GNPDA2: variants seen among roughly 807,000 people sequenced by gnomAD.
GNPDA2 encodes glcN6P deaminase 2.
A neutral mutation model predicts 27.0 loss-of-function variants in GNPDA2; 24 were observed. That is an observed-to-expected ratio of 0.89 (90% CI 0.64 to 1.25). The LOEUF (loss-of-function observed/expected upper bound fraction) is 1.25, where lower values mean the gene tolerates loss of function less well. Among genes scored for constraint, GNPDA2 ranks in the 50% most tolerant of loss-of-function variants. The pLI, the probability that GNPDA2 is intolerant of heterozygous loss-of-function variation, is 0.00. For missense variants in GNPDA2, 286 were observed against 335.1 expected (o/e 0.85, Z 1.14); for synonymous variants, 94 against 108.4 (o/e 0.87, Z 0.83).
At chr4:44,703,554 C>A in intron 6 of GNPDA2, 1 of 991,672 alleles carries the variant, frequency 1.0e-6, no homozygotes, top group Non-Finnish European at 1.2e-6. Context: ...CTGTCTCACT[C>A]TTAATACATT....
intron 6 of GNPDA2, chr4:44,704,058 A>T (rs1716438592): frequency 1.0e-6 from 1 of 985,146 alleles, no homozygotes; most frequent in African/African-American, 1.7e-5. Flanking sequence ...GTTCCTTGTC[A>T]GAAAGGCTGC....
chr4:44,704,738 A>AG, intron 6 of GNPDA2: 1 of 984,568 alleles, frequency 1.0e-6, no homozygotes, highest in Non-Finnish European at 1.2e-6. Flanking sequence ...ACCAGAAGAA[A>AG]GGTTAAATGT....
intron 6 of GNPDA2, chr4:44,704,283 A>G: frequency 1.0e-6 from 1 of 984,108 alleles, no homozygotes. Flanking sequence ...GAGAGGGGAC[A>G]ACAAAGATAA....
At chr4:44,704,794 G>C in intron 6 of GNPDA2, 1 of 983,030 alleles carries the variant, frequency 1.0e-6, no homozygotes, top group South Asian at 4.7e-5. Context: ...TTATGGTTTT[G>C]ACTCAAAATG....
At chr4:44,703,717 G>A (rs758482470) in intron 6 of GNPDA2, 7 of 982,454 alleles carry the variant, frequency 7.1e-6, no homozygotes, top group Non-Finnish European at 8.5e-6. Context: ...TAGAAATTAC[G>A]ATTTTAAATC....
At chr4:44,723,824 A>G (rs981681045) in intron 1 of GNPDA2, among the ~76,000 whole-genome samples, 1 of 152,102 alleles carries the variant, frequency 6.6e-6, no homozygotes, top group African/African-American at 2.4e-5. Context: ...GGCCCAAGCA[A>G]GCGGCTCAAG....
chr4:44,718,271 T>C (rs774050134), intron 3 of GNPDA2, 38 bp downstream of exon 3: 1 of 781,092 alleles, frequency 1.3e-6, no homozygotes, highest in Non-Finnish European at 2.1e-6. Context: ...AAATATAACA[T>C]ACCCAAATAA....
At chr4:44,717,870 C>T (rs1717408695) in intron 3 of GNPDA2, among the ~76,000 whole-genome samples, 1 of 151,758 alleles carries the variant, frequency 6.6e-6, no homozygotes, top group South Asian at 2.1e-4. Flanking sequence ...GGCAAGTTAA[C>T]AATAAATTAT....
intron 1 of GNPDA2, 41 bp from the exon 2 acceptor site, chr4:44,722,283 G>A: frequency 2.8e-6 from 4 of 1,437,990 alleles, no homozygotes; most frequent in Admixed American, 2.2e-5. Context: ...ATAATAAACA[G>A]ATAATTTAAA....
chr4:44,705,147 A>G (rs576629146), intron 6 of GNPDA2: 1 of 984,916 alleles, frequency 1.0e-6, no homozygotes, highest in East Asian at 1.1e-4. Context: ...GTGATGACAG[A>G]AGAAAGGGTA....
At chr4:44,720,719 A>G (rs16857416) in intron 2 of GNPDA2, among the ~76,000 whole-genome samples, 2,047 of 152,268 alleles carry the variant, frequency 0.013, 21 homozygotes, top group Middle Eastern at 0.031. Flanking sequence ...TCGATGGTCA[A>G]TGAAGGAGAG....
intron 2 of GNPDA2, 152 bp downstream of exon 2, chr4:44,721,932 A>G: frequency 1.8e-6 from 1 of 566,114 alleles, no homozygotes; most frequent in Non-Finnish European, 3.0e-6. Context: ...GATTTTATAT[A>G]TATGCATTTT....
chr4:44,720,463 T>C (rs1376532567), intron 2 of GNPDA2, among the ~76,000 whole-genome samples: 2 of 152,130 alleles, frequency 1.3e-5, no homozygotes, highest in Non-Finnish European at 2.9e-5. Context: ...CAGTCAAATA[T>C]GCCTAGCCCA....
Position 44,702,690 on chromosome 4 carries a change from TTTGTTATCTGAAAG to T in GNPDA2, c.*377_*390del. On this transcript the variant is annotated 3_prime_UTR_variant, in exon 7 of 7. Transcript: ENST00000295448. ...CAAAAGTGAAGGTCTGCAATGATAGTTTGTTATCTGAAAGGTTTGGAGTGTCTTGTCATTAAAAA... is the reference window on the plus strand; with the variant it reads ...CAAAAGTGAAGGTCTGCAATGATAGTGTTTGGAGTGTCTTGTCATTAAAAA... The T allele has an allele frequency of 8.7e-6, 9 of 1,034,642 alleles. No homozygotes were observed. Among genetic ancestry groups the T allele is most frequent in the Non-Finnish European group, 1.0e-5 (9 of 862,836 alleles). The allele number at this position is 1,034,642 out of a possible 1,614,324, so 64.1% of individuals were successfully genotyped here. A position where few individuals can be genotyped will look rare whatever the true frequency, so the allele number is the denominator to read the frequency against.
intron 2 of GNPDA2, among the ~76,000 whole-genome samples, chr4:44,719,791 GA>G (rs896218797): frequency 3.4e-5 from 5 of 148,956 alleles, no homozygotes; most frequent in South Asian, 2.1e-4. Flanking sequence ...AAAGACTGAA[GA>G]AAAAAAAAGA....
At chr4:44,703,308 CTTAAGTT>C (rs1716387617) in intron 6 of GNPDA2, 166 bp from the exon 7 acceptor site, 3 of 1,388,132 alleles carry the variant, frequency 2.2e-6, no homozygotes, top group Admixed American at 3.3e-5. Flanking sequence ...TTCAGAATGT[CTTAAGTT>C]TTATCTACCT....
At chr4:44,705,683 G>A (rs1172769408) in intron 6 of GNPDA2, 1 of 155,134 alleles carries the variant, frequency 6.4e-6, no homozygotes, top group Non-Finnish European at 1.4e-5. Flanking sequence ...CATACCTAGA[G>A]TTTATTCTGG....
At chr4:44,710,123 A>T (rs1354023600) in intron 5 of GNPDA2, among the ~76,000 whole-genome samples, 1 of 152,172 alleles carries the variant, frequency 6.6e-6, no homozygotes, top group East Asian at 1.9e-4. Context: ...CAACTTATTG[A>T]CTATGAAGTT....
chr4:44,710,478 T>C (rs1370400809), intron 5 of GNPDA2, among the ~76,000 whole-genome samples: 1 of 152,176 alleles, frequency 6.6e-6, no homozygotes, highest in Non-Finnish European at 1.5e-5. Flanking sequence ...ATATGCCAAA[T>C]GTAGAACAGT....
Sources: allele counts gnomAD v4.1 joint callset (sites outside exome capture counted in the v4.1 genomes callset), GRCh38; gene constraint gnomAD v4.1.1; transcripts MANE v1.5; gene names NCBI Gene and HGNC (gene_info 2026-07-23, HGNC 2026-07-21).